The following ETV4 variants were observed in gnomAD, a reference collection of about 807,000 sequenced individuals.
ETV4 encodes the protein ETS variant transcription factor 4, also known as ETS translocation variant 4.
Under a neutral mutation model 65.9 loss-of-function variants are expected in ETV4, and 42 were observed. The observed-to-expected ratio is 0.64, with a 90% CI of 0.50 to 0.82. ETV4 has a LOEUF of 0.82. ETV4 is among the 40% of genes least tolerant of loss of function. ETV4 has a pLI of 0.00. For synonymous variants in ETV4, 238 were observed against 260.0 expected, an observed-to-expected ratio of 0.92 and a Z score of 0.81; for missense variants, 583 against 630.3, an observed-to-expected ratio of 0.92 and a Z score of 0.80.
chr17:43,543,090 T>TC (rs952902719), intron 4 of ETV4, among the ~76,000 whole-genome samples: 7 of 150,612 alleles, frequency 4.6e-5, no homozygotes, highest in African/African-American at 1.7e-4. Context: ...GGCCTCAGCA[T>TC]CCCCCCCTCA....
intron 8 of ETV4, 67 bp from the exon 9 acceptor site, chr17:43,530,248 A>G: frequency 6.5e-7 from 1 of 1,544,736 alleles, no homozygotes; most frequent in Non-Finnish European, 8.8e-7. Context: ...GGGAGGAGGA[A>G]GTCCTATCCA....
intron 5 of ETV4, among the ~76,000 whole-genome samples, chr17:43,535,908 C>T (rs946099130): frequency 1.3e-5 from 2 of 152,156 alleles, no homozygotes; most frequent in African/African-American, 4.8e-5. Context: ...GTCAGGAATT[C>T]GAGACCATCC....
chr17:43,533,882 A>G lies in ETV4; in HGVS notation c.360T>C (p.His120=). The stretch of plus-strand genomic sequence containing the variant: ...ACCTGGAGTAAAGGCACTGCTCGCC[A>G]TGGTGGTAGGGGAGTGGCGGCTTCC... ...CSRKPPLPYH[H]GEQCLYSSAY... is the part of the protein sequence containing the mutation. The change falls in exon 6 of 13, where the codon CAT becomes CAC. Residue 120 remains histidine (H), a synonymous_variant. Transcript: ENST00000319349. 2 of 1,604,876 alleles carry G rather than the reference A, an allele frequency of 1.2e-6. No homozygotes were observed. The highest frequency in any genetic ancestry group is 2.3e-5 in the East Asian group (1 of 43,882).
At chr17:43,545,917 G>T in intron 1 of ETV4, 1 of 541,864 alleles carries the variant, frequency 1.8e-6, no homozygotes, top group East Asian at 3.2e-5. Flanking sequence ...CTTTACCCGG[G>T]CTCGGTTACA....
Position 43,529,167 on chromosome 17 carries a change from GGAGCGAGC to G in ETV4, c.1190_1197del (p.Arg397ProfsTer5), listed in dbSNP as rs1567705436. 1 of 1,613,806 alleles carries G rather than the reference GGAGCGAGC, an allele frequency of 6.2e-7. No individual in the cohort carries two copies. The highest frequency in any genetic ancestry group is 1.7e-5 in the Admixed American group (1 of 59,974). On this transcript the variant is annotated frameshift_variant, in exon 12 of 13. Transcript: ENST00000319349. LOFTEE classifies it high-confidence loss of function. ...ATGATGCCTTTCTCATAATAGTATC[GGAGCGAGC>G]GGCTCAGCTTGTCGTAATTCATGGC...
chr17:43,541,180 C>G (rs540894149), intron 4 of ETV4, among the ~76,000 whole-genome samples: 2 of 152,214 alleles, frequency 1.3e-5, no homozygotes, highest in South Asian at 4.1e-4. Context: ...GCCCCTCCCC[C>G]AAACACTGGC....
intron 4 of ETV4, among the ~76,000 whole-genome samples, chr17:43,541,626 C>T (rs1051167326): frequency 6.6e-6 from 1 of 152,166 alleles, no homozygotes; most frequent in African/African-American, 2.4e-5. Context: ...CTGAAGCTCA[C>T]CATAGGTTAG....
At chr17:43,545,832 C>A (rs1048229444) in intron 1 of ETV4, 164 bp from the exon 2 acceptor site, 7 of 603,782 alleles carry the variant, frequency 1.2e-5, no homozygotes, top group African/African-American at 9.3e-5. Context: ...CACCACTCCC[C>A]TCCCGCCAAA....
At chr17:43,541,260 C>T (rs929399297) in intron 4 of ETV4, among the ~76,000 whole-genome samples, 20 of 152,240 alleles carry the variant, frequency 1.3e-4, no homozygotes, top group African/African-American at 2.4e-5. Flanking sequence ...AACAGGAACA[C>T]TGAGCCTCGC....
chr17:43,538,140 CAAA>C (rs34924870), intron 4 of ETV4, among the ~76,000 whole-genome samples: 12 of 110,708 alleles, frequency 1.1e-4, no homozygotes, highest in African/African-American at 1.4e-4. Flanking sequence ...GACTCCATTT[CAAA>C]AAAAAAAAAA....
intron 4 of ETV4, among the ~76,000 whole-genome samples, chr17:43,541,790 G>C (rs1451480351): frequency 6.6e-6 from 1 of 152,128 alleles, no homozygotes; most frequent in African/African-American, 2.4e-5. Context: ...GAAGGAACCA[G>C]TTCACTAGTT....
At chr17:43,539,001 AT>A (rs1567713854) in intron 4 of ETV4, among the ~76,000 whole-genome samples, 1 of 152,048 alleles carries the variant, frequency 6.6e-6, no homozygotes, top group African/African-American at 2.4e-5. Context: ...AGGCTCCATC[AT>A]TTCTTACTTG....
At chr17:43,542,677 C>T (rs1385035375) in intron 4 of ETV4, among the ~76,000 whole-genome samples, 1 of 152,162 alleles carries the variant, frequency 6.6e-6, no homozygotes, top group African/African-American at 2.4e-5. Context: ...CACACTCACC[C>T]TTCAACGCCC....
At chr17:43,537,854 C>A (rs1022926398) in intron 4 of ETV4, among the ~76,000 whole-genome samples, 1 of 151,976 alleles carries the variant, frequency 6.6e-6, no homozygotes, top group Non-Finnish European at 1.5e-5. Flanking sequence ...TTAGGCCGGG[C>A]GCGGTGGCTC....
At chr17:43,529,461 G>A (rs1598191431) in intron 11 of ETV4, 43 bp downstream of exon 11, 3 of 1,575,676 alleles carry the variant, frequency 1.9e-6, no homozygotes, top group African/African-American at 2.7e-5. Flanking sequence ...CCTCCAGGCT[G>A]TAAACTTTGG....
At chr17:43,535,692 G>A (rs1358317078) in intron 5 of ETV4, among the ~76,000 whole-genome samples, 1 of 152,140 alleles carries the variant, frequency 6.6e-6, no homozygotes, top group Non-Finnish European at 1.5e-5. Flanking sequence ...AGTATCCCTG[G>A]CCTCTCTATC....
chr17:43,535,702 C>G (rs1971204627), intron 5 of ETV4, among the ~76,000 whole-genome samples: 5 of 152,192 alleles, frequency 3.3e-5, no homozygotes, highest in Admixed American at 3.3e-4. Flanking sequence ...GCCTCTCTAT[C>G]CACTAGACAC....
chr17:43,537,716 C>T (rs1037106870), intron 4 of ETV4, among the ~76,000 whole-genome samples: 14 of 144,120 alleles, frequency 9.7e-5, no homozygotes, highest in Admixed American at 9.0e-4. Context: ...AAATAAAGGC[C>T]GGGCATGGTG....
chr17:43,535,476 C>G (rs1416035420), intron 5 of ETV4, among the ~76,000 whole-genome samples: 1 of 152,148 alleles, frequency 6.6e-6, no homozygotes, highest in Non-Finnish European at 1.5e-5. Context: ...GGAATTTCAT[C>G]ATGTTGGCCA....
Sources: gnomAD v4.1 joint callset for allele counts (sites outside exome capture counted in the v4.1 genomes callset) on GRCh38, gnomAD v4.1.1 for gene constraint, MANE v1.5 for transcripts, NCBI Gene and HGNC (gene_info 2026-07-23, HGNC 2026-07-21) for gene names.